LAMA3: variants seen among roughly 807,000 people sequenced by gnomAD.
LAMA3 encodes laminin subunit alpha 3, also known as laminin subunit alpha-3.
A neutral mutation model predicts 402.0 loss-of-function variants in LAMA3; 281 were observed. That is an observed-to-expected ratio of 0.70 (90% CI 0.63 to 0.77). LAMA3 has a LOEUF of 0.77. Among genes scored for constraint, LAMA3 ranks in the 30% least tolerant of loss-of-function variants. LAMA3 has a pLI of 0.00. For synonymous variants in LAMA3, 1,431 were observed against 1,558.4 expected (o/e 0.92, Z 1.93); for missense variants, 3,840 against 4,215.5 (o/e 0.91, Z 2.47).
intron 2 of LAMA3, among the ~76,000 whole-genome samples, chr18:23,722,744 T>C (rs1036897107): frequency 6.6e-6 from 1 of 152,174 alleles, no homozygotes; most frequent in East Asian, 1.9e-4. Context: ...CAAAACACTT[T>C]CTTCTGGAAT....
At chr18:23,851,445 G>A (rs1431583475) in intron 32 of LAMA3, among the ~76,000 whole-genome samples, 1 of 152,164 alleles carries the variant, frequency 6.6e-6, no homozygotes, top group African/African-American at 2.4e-5. Context: ...GTGACCTCAG[G>A]TATATTACTT....
chr18:23,741,982 C>G (rs934061572), intron 2 of LAMA3, among the ~76,000 whole-genome samples: 4 of 152,072 alleles, frequency 2.6e-5, no homozygotes, highest in African/African-American at 9.7e-5. Context: ...ATTAGCTGGG[C>G]ATGGTGGTGC....
chr18:23,737,583 GC>G (rs2061496612), intron 2 of LAMA3, among the ~76,000 whole-genome samples: 2 of 152,222 alleles, frequency 1.3e-5, no homozygotes, highest in African/African-American at 4.8e-5. Context: ...CCTGGGATGT[GC>G]CTTCTCATCA....
At chr18:23,720,240 G>A (rs1048628703) in intron 2 of LAMA3, among the ~76,000 whole-genome samples, 10 of 152,170 alleles carry the variant, frequency 6.6e-5, no homozygotes, top group African/African-American at 2.4e-4. Context: ...TTCCATTTAT[G>A]ACACTTGAGT....
chr18:23,745,326 T>C (rs9961238), intron 2 of LAMA3, among the ~76,000 whole-genome samples: 8,799 of 152,234 alleles, frequency 0.058, 553 homozygotes, highest in Admixed American at 0.17. Flanking sequence ...TCTGAGCCAC[T>C]GAAGCTACTT....
chr18:23,776,204 T>C (rs553221379), intron 10 of LAMA3, among the ~76,000 whole-genome samples: 38 of 152,290 alleles, frequency 2.5e-4, no homozygotes, highest in African/African-American at 8.9e-4. Flanking sequence ...TAATAATCCA[T>C]GTGTGTGATT....
chr18:23,742,171 A>G (rs1379979915), intron 2 of LAMA3, among the ~76,000 whole-genome samples: 1 of 152,250 alleles, frequency 6.6e-6, no homozygotes, highest in Non-Finnish European at 1.5e-5. Context: ...TGATAAAATA[A>G]GCAGACAAAT....
chr18:23,884,680 C>G (rs1235902345), intron 40 of LAMA3, 93 bp from the exon 41 acceptor site: 1 of 1,183,702 alleles, frequency 8.4e-7, no homozygotes, highest in Non-Finnish European at 1.3e-6. Context: ...TTTCAGTGCT[C>G]ACTTAATACA....
At chr18:23,894,475 A>G in intron 43 of LAMA3, 127 bp downstream of exon 43, 1 of 820,776 alleles carries the variant, frequency 1.2e-6, no homozygotes, top group Non-Finnish European at 2.1e-6. Flanking sequence ...TGGAAGGACT[A>G]CTTAGGGTCA....
chr18:23,825,143 C>T (rs2063356467), intron 21 of LAMA3, among the ~76,000 whole-genome samples: 1 of 152,212 alleles, frequency 6.6e-6, no homozygotes. Flanking sequence ...TGTGTTAAAC[C>T]TAAAGCAGGT....
chr18:23,840,731 T>TA (rs992413329), intron 27 of LAMA3, among the ~76,000 whole-genome samples: 1 of 152,188 alleles, frequency 6.6e-6, no homozygotes, highest in Non-Finnish European at 1.5e-5. Context: ...TTCCGTAAGC[T>TA]AAAAAATCAC....
intron 64 of LAMA3, among the ~76,000 whole-genome samples, chr18:23,930,630 C>T (rs926280985): frequency 6.6e-6 from 1 of 151,996 alleles, no homozygotes; most frequent in East Asian, 1.9e-4. Context: ...CGCCTGTGGT[C>T]CCAGCTTCTC....
intron 27 of LAMA3, 151 bp from the exon 28 acceptor site, chr18:23,842,244 G>T: frequency 1.1e-6 from 1 of 929,036 alleles, no homozygotes; most frequent in Admixed American, 2.1e-5. Context: ...TATGTGTGAA[G>T]GCTTCTGGGT....
rs1568339296 is a variant in LAMA3 at position 23,915,345 on chromosome 18, C to T, written c.7701C>T (p.Leu2567=). 2 of 1,613,106 alleles carry T rather than the reference C, an allele frequency of 1.2e-6. No homozygotes were observed. The highest frequency in any genetic ancestry group is 1.7e-6 in the Non-Finnish European group (2 of 1,179,132). ...PYKGCIELDD[L]NENVLSLYNF... ...AAGGTTGTATTGAATTAGATGACCT[C>T]AATGAAAATGTTCTGAGCTTGTACA... The change falls in exon 59 of 75, where the codon CTC becomes CTT. Residue 2567 remains leucine (L), a synonymous_variant. Coordinates refer to ENST00000313654, the MANE Select transcript of LAMA3 (RefSeq NM_198129.4).
chr18:23,763,663 C>G (rs111725701), intron 8 of LAMA3, 140 bp downstream of exon 8: 1 of 740,662 alleles, frequency 1.4e-6, no homozygotes, highest in South Asian at 1.4e-5. Flanking sequence ...GTTGCTCACA[C>G]AAGGCCTTGT....
rs1409370797 is a variant in LAMA3, at chr18:23,879,324, G to A, written c.5113-2612G>A. Among the ~76,000 whole-genome samples, 1 of 152,146 alleles carries A rather than the reference G, an allele frequency of 6.6e-6. No homozygotes were observed. Among genetic ancestry groups the A allele is most frequent in the Non-Finnish European group, 1.5e-5 (1 of 68,034 alleles). On this transcript the variant is annotated intron_variant, in intron 39 of 74. Transcript: ENST00000313654. The surrounding 1 kb of genome is among the most constrained non-coding windows in gnomAD (Gnocchi z 4.2). ...TCCCTCCACACACTGCCATGCTATT[G>A]TGAGACTGAGGTTCTGCACGCTGTG...
chr18:23,763,350 A>G, intron 7 of LAMA3, 55 bp from the exon 8 acceptor site: 1 of 1,095,162 alleles, frequency 9.1e-7, no homozygotes, highest in East Asian at 2.4e-5. Flanking sequence ...TACGCTATTT[A>G]CTAAGCGTCT....
chr18:23,801,904 T>A (rs1443665604), intron 12 of LAMA3, among the ~76,000 whole-genome samples: 2 of 152,220 alleles, frequency 1.3e-5, no homozygotes, highest in Non-Finnish European at 2.9e-5. Context: ...TTTTTTGCTG[T>A]TCAGTTGGAA....
chr18:23,903,025 T>G lies in LAMA3; in HGVS notation c.6218T>G (p.Ile2073Arg), dbSNP rs747774899. ...LGAIQRQVKE[I>R]NSLQSDFTKY... The stretch of plus-strand genomic sequence containing the variant: ...TTTCTCCAGAGACAAGTGAAAGAAA[T>G]AAATTCCCTGCAGAGTGATTTCACC... The change falls in exon 49 of 75, where the codon ATA becomes AGA. Residue 2073 changes from isoleucine to arginine, a missense_variant. Physicochemically the swap from Ile to Arg is moderately conservative, Grantham distance 97. This residue lies in a region of LAMA3 where 891 missense variants were observed against 857.5 expected (regional missense o/e 1.04). Coordinates refer to ENST00000313654, the MANE Select transcript of LAMA3 (RefSeq NM_198129.4). 44 of 1,607,946 alleles carry G rather than the reference T, an allele frequency of 2.7e-5. No individual in the cohort carries two copies. Among genetic ancestry groups the G allele is most frequent in the Non-Finnish European group, 3.3e-5 (39 of 1,174,836 alleles).
Sources: gnomAD v4.1 joint callset for allele counts (sites outside exome capture counted in the v4.1 genomes callset) on GRCh38, gnomAD v4.1.1 for gene constraint, gnomAD v4.1.1 regional missense constraint, Gnocchi (gnomAD v3.1) non-coding constraint, MANE v1.5 for transcripts, NCBI Gene and HGNC (gene_info 2026-07-23, HGNC 2026-07-21) for gene names.